The following EAPP variants were observed in gnomAD, a reference collection of about 807,000 sequenced individuals.
EAPP encodes E2F-associated phosphoprotein.
EAPP carries 38 observed loss-of-function variants against 34.3 expected under a neutral mutation model. The observed-to-expected ratio is 1.11, with a 90% confidence interval of 0.85 to 1.45. The LOEUF is 1.45. Ranked by LOEUF, EAPP falls within the 40% of genes most tolerant of loss-of-function variation. EAPP has a pLI of 0.00. For synonymous variants in EAPP, 113 were observed against 117.6 expected (o/e 0.96, Z 0.25); for missense variants, 338 against 343.7 (o/e 0.98, Z 0.13).
chr14:34,520,053 T>C (rs1431299759), intron 5 of EAPP, among the ~76,000 whole-genome samples: 2 of 151,582 alleles, frequency 1.3e-5, no homozygotes, highest in Non-Finnish European at 2.9e-5. Context: ...TTCCGGCTAA[T>C]TTTTTATATT....
At chr14:34,530,883 AAAGC>A (rs1266600875) in intron 3 of EAPP, among the ~76,000 whole-genome samples, 32 of 149,712 alleles carry the variant, frequency 2.1e-4, no homozygotes, top group African/African-American at 7.6e-4. Context: ...CCTAAGCAAC[AAAGC>A]AAGACCCAAT....
chr14:34,528,045 A>ATTTTTTTTT (rs33982261), intron 4 of EAPP, among the ~76,000 whole-genome samples: 1 of 142,412 alleles, frequency 7.0e-6, no homozygotes, highest in Non-Finnish European at 1.5e-5. Flanking sequence ...CCTCATCTCA[A>ATTTTTTTTT]TTTTTTTTTT....
chr14:34,526,506 T>C (rs542802225), intron 4 of EAPP, among the ~76,000 whole-genome samples: 41 of 150,222 alleles, frequency 2.7e-4, no homozygotes, highest in Admixed American at 1.7e-3. Context: ...GGCAGATCAC[T>C]TGAGCCTAGG....
intron 1 of EAPP, 182 bp from the exon 2 acceptor site, chr14:34,536,457 AATTT>A: frequency 3.2e-6 from 1 of 312,090 alleles, no homozygotes; most frequent in African/African-American, 2.6e-5. Context: ...AATCTTCTTT[AATTT>A]TTTTTTTTTT....
chr14:34,526,257 C>T (rs183483370), intron 4 of EAPP, among the ~76,000 whole-genome samples: 18 of 149,996 alleles, frequency 1.2e-4, no homozygotes, highest in African/African-American at 4.2e-4. Flanking sequence ...GGTGAAACCC[C>T]GTCTCTACTA....
intron 4 of EAPP, among the ~76,000 whole-genome samples, chr14:34,527,129 T>C (rs971052386): frequency 1.8e-4 from 27 of 146,190 alleles, no homozygotes; most frequent in Non-Finnish European, 3.1e-4. Context: ...AAGATCACAT[T>C]TGCACTCCAG....
intron 2 of EAPP, among the ~76,000 whole-genome samples, chr14:34,534,275 G>A (rs1156827243): frequency 6.6e-6 from 1 of 151,908 alleles, no homozygotes; most frequent in Non-Finnish European, 1.5e-5. Flanking sequence ...TGGAATTATA[G>A]GCAACTGCCG....
chr14:34,519,347 C>T (rs376310658), intron 5 of EAPP, among the ~76,000 whole-genome samples: 1 of 151,974 alleles, frequency 6.6e-6, no homozygotes, highest in Non-Finnish European at 1.5e-5. Flanking sequence ...CCAGCCTGAC[C>T]GATATGGTGA....
intron 1 of EAPP, 145 bp from the exon 2 acceptor site, chr14:34,536,420 C>A: frequency 4.1e-6 from 2 of 487,026 alleles, no homozygotes; most frequent in Non-Finnish European, 6.8e-6. Context: ...GCTATTCTCA[C>A]TTAATAAGCC....
chr14:34,527,440 G>T (rs542645824), intron 4 of EAPP, among the ~76,000 whole-genome samples: 1 of 152,050 alleles, frequency 6.6e-6, no homozygotes, highest in Non-Finnish European at 1.5e-5. Flanking sequence ...GAACCAGGAG[G>T]AGTGCTTGAG....
chr14:34,533,799 G>T lies in EAPP; in HGVS notation c.257-260C>A, dbSNP rs565107314. Among the ~76,000 whole-genome samples, 3 of 152,072 alleles carry T rather than the reference G, an allele frequency of 2.0e-5. No individual in the cohort carries two copies. The South Asian group carries it at 6.2e-4, about 32-fold the overall frequency. On this transcript the variant is annotated intron_variant, in intron 2 of 5. Transcript: ENST00000250454. ...CACAAATCTCATTAAATAAAATAGC[G>T]ATATTTTCAGGTTGCCAGCACACAT...
intron 5 of EAPP, among the ~76,000 whole-genome samples, chr14:34,521,213 C>T (rs1332017267): frequency 6.6e-6 from 1 of 151,716 alleles, no homozygotes; most frequent in Non-Finnish European, 1.5e-5. Context: ...GGATTACAGG[C>T]ATGCACCACC....
At chr14:34,517,080 G>A (rs1879759242) in intron 5 of EAPP, among the ~76,000 whole-genome samples, 1 of 151,630 alleles carries the variant, frequency 6.6e-6, no homozygotes. Flanking sequence ...TGGGACTACA[G>A]GCGCCCGCCA....
At chr14:34,518,107 C>T (rs561555036) in intron 5 of EAPP, among the ~76,000 whole-genome samples, 1 of 151,838 alleles carries the variant, frequency 6.6e-6, no homozygotes, top group South Asian at 2.1e-4. Flanking sequence ...TTGGTCTGTC[C>T]TTGCTTTTCT....
At chr14:34,535,073 G>A (rs1456251310) in intron 2 of EAPP, among the ~76,000 whole-genome samples, 1 of 148,762 alleles carries the variant, frequency 6.7e-6, no homozygotes, top group Non-Finnish European at 1.5e-5. Flanking sequence ...TCCTGACCTC[G>A]TGATCCACTG....
chr14:34,525,934 C>G (rs566084357), intron 4 of EAPP, among the ~76,000 whole-genome samples: 128 of 151,904 alleles, frequency 8.4e-4, no homozygotes, highest in African/African-American at 2.9e-3. Flanking sequence ...GCAGGAGAAT[C>G]GGTTGAACCC....
intron 5 of EAPP, among the ~76,000 whole-genome samples, chr14:34,518,253 A>C (rs564216217): frequency 6.7e-6 from 1 of 149,780 alleles, no homozygotes; most frequent in East Asian, 2.0e-4. Flanking sequence ...TCCATTACTG[A>C]GAGTGGAGTG....
At chr14:34,537,691 C>T (rs757562645) in intron 1 of EAPP, among the ~76,000 whole-genome samples, 18 of 152,214 alleles carry the variant, frequency 1.2e-4, no homozygotes, top group South Asian at 2.1e-4. Flanking sequence ...TCTTTAGCCA[C>T]GATGCCAACC....
At chr14:34,533,337 A>G (rs1428111164) in intron 3 of EAPP, 107 bp downstream of exon 3, 1 of 916,252 alleles carries the variant, frequency 1.1e-6, no homozygotes, top group Admixed American at 2.2e-5. Context: ...GCCTAGCTGT[A>G]ATTTCTTAAA....
Sources: gnomAD v4.1 joint callset for allele counts (sites outside exome capture counted in the v4.1 genomes callset) on GRCh38, gnomAD v4.1.1 for gene constraint, MANE v1.5 for transcripts, NCBI Gene and HGNC (gene_info 2026-07-23, HGNC 2026-07-21) for gene names.